Variants in COL20A1 observed in about 807,000 individuals in gnomAD.
COL20A1 encodes the protein collagen alpha-1(XX) chain.
In COL20A1, 164 loss-of-function variants were observed where a neutral mutation model predicts 152.9. That is an observed-to-expected ratio of 1.07 (90% CI 0.94 to 1.22). The LOEUF (loss-of-function observed/expected upper bound fraction) is 1.22, where lower values mean the gene tolerates loss of function less well. Among genes scored for constraint, COL20A1 ranks in the 50% most tolerant of loss-of-function variants. The pLI is 0.00. For synonymous variants in COL20A1, 864 were observed against 756.0 expected (o/e 1.14, Z -2.34); for missense variants, 1,873 against 1,744.8 (o/e 1.07, Z -1.31).
At chr20:63,295,273 CT>C (rs977814826) in intron 2 of COL20A1, 84 bp downstream of exon 2, 17 of 851,822 alleles carry the variant, frequency 2.0e-5, no homozygotes, top group East Asian at 5.4e-5. Flanking sequence ...CCCTCCGCCC[CT>C]GAGCCCCGTC....
intron 1 of COL20A1, among the ~76,000 whole-genome samples, 162 bp downstream of exon 1, chr20:63,293,437 G>A (rs984046349): frequency 1.5e-4 from 23 of 152,154 alleles, no homozygotes; most frequent in Non-Finnish European, 2.9e-4. Context: ...CACAGGGTGT[G>A]GCCAGGAGGG....
intron 9 of COL20A1, 51 bp from the exon 10 acceptor site, chr20:63,309,707 A>T: frequency 4.1e-6 from 6 of 1,470,446 alleles, no homozygotes; most frequent in Non-Finnish European, 5.4e-6. Context: ...GAGCGTGGAC[A>T]CAGCTGCCCG....
rs1555829302 is a variant in COL20A1 at position 63,309,751 on chromosome 20, C to T, written c.1106-7C>T. The T allele has an allele frequency of 1.2e-5, 18 of 1,561,538 alleles. No homozygotes were observed. Among genetic ancestry groups the T allele is most frequent in the Non-Finnish European group, 1.1e-5 (13 of 1,156,416 alleles). ...CCACCTGCCCCCCACTCCCGCTACT[C>T]CAGCAGCAGCGGCTCCAGCCCTGGA... On this transcript the variant is annotated splice_region_variant and splice_polypyrimidine_tract_variant and intron_variant, in intron 9 of 35. Transcript: ENST00000358894.
rs2068054005 is a variant in COL20A1 at position 63,314,116 on chromosome 20, G to A, written c.2403G>A (p.Leu801=). The A allele has an allele frequency of 6.2e-7, 1 of 1,612,570 alleles. No individual in the cohort carries two copies. The highest frequency in any genetic ancestry group is 2.2e-5 in the East Asian group (1 of 44,878). Reference sequence around the variant, plus strand: ...GGAGCCACGTGACACTGCCCGACCTGCAGGCAGCCACGAAGTACAGGGTCC... The same window carrying A: ...GGAGCCACGTGACACTGCCCGACCTACAGGCAGCCACGAAGTACAGGGTCC... ...GARSHVTLPD[L]QAATKYRVLV... Residue 801 remains leucine, a synonymous_variant, in exon 19 of 36, where the codon CTG becomes CTA. Coordinates refer to ENST00000358894, the MANE Select transcript of COL20A1 (RefSeq NM_020882.4).
In COL20A1 at chr20:63,322,096, C is replaced by T. The variant is rs762904751; in HGVS notation, c.3279C>T (p.Gly1093=). Residue 1093 remains glycine, a synonymous_variant, in exon 27 of 36, where the codon GGC becomes GGT. Coordinates refer to ENST00000358894, the MANE Select transcript of COL20A1 (RefSeq NM_020882.4). ...GGAATGGCACCCCAGGAGAGCAGGG[C>T]TTCCCAGGGCCCAGGGTAAGTTTTG... The part of the protein sequence containing the change: ...PGRNGTPGEQ[G]FPGPRGPPGV... 190 of 1,499,862 alleles carry T rather than the reference C, an allele frequency of 1.3e-4. No homozygotes were observed. Among genetic ancestry groups the T allele is most frequent in the Non-Finnish European group, 1.6e-4 (184 of 1,128,956 alleles). The allele number at this position is 1,499,862 out of a possible 1,614,324, so 92.9% of individuals were successfully genotyped here. A position where few individuals can be genotyped will look rare whatever the true frequency, so the allele number is the denominator to read the frequency against.
intron 20 of COL20A1, 22 bp from the exon 21 acceptor site, chr20:63,316,531 C>T: frequency 1.3e-6 from 2 of 1,580,912 alleles, no homozygotes; most frequent in Non-Finnish European, 8.6e-7. Flanking sequence ...CTCGGTGCCC[C>T]TTCCCCCACC....
At chr20:63,316,739 G>T in intron 21 of COL20A1, 48 bp downstream of exon 21, 1 of 1,463,442 alleles carries the variant, frequency 6.8e-7, no homozygotes. Flanking sequence ...GGCTGGGGCC[G>T]CTGAAGATTA....
chr20:63,325,531 T>C (rs1412556698), intron 28 of COL20A1, 37 bp downstream of exon 28: 1 of 1,495,990 alleles, frequency 6.7e-7, no homozygotes, highest in Admixed American at 1.8e-5. Flanking sequence ...CAGGGGTTGG[T>C]GGGGGTGGGG....
chr20:63,302,611 G>A (rs780447802), intron 3 of COL20A1, among the ~76,000 whole-genome samples: 3 of 152,166 alleles, frequency 2.0e-5, no homozygotes, highest in Admixed American at 1.3e-4. Flanking sequence ...GTGAGTCACC[G>A]CGCCTGGTCT....
intron 20 of COL20A1, 47 bp from the exon 21 acceptor site, chr20:63,316,506 C>T (rs1444611866): frequency 6.5e-7 from 1 of 1,544,976 alleles, no homozygotes; most frequent in Non-Finnish European, 8.7e-7. Context: ...CCTCCCCTGC[C>T]ATCTCTGAGG....
chr20:63,303,789 G>A (rs1294646810), intron 3 of COL20A1, among the ~76,000 whole-genome samples: 1 of 152,072 alleles, frequency 6.6e-6, no homozygotes, highest in Non-Finnish European at 1.5e-5. Context: ...GCAGGTGTGG[G>A]TTCCTCCCTC....
chr20:63,325,601 C>T (rs2068234339), intron 28 of COL20A1, 67 bp from the exon 29 acceptor site: 6 of 1,569,770 alleles, frequency 3.8e-6, no homozygotes, highest in East Asian at 2.3e-5. Flanking sequence ...GGTGAGGCCT[C>T]ACAGGCAGGG....
rs1005886656 is a variant in COL20A1, at chr20:63,326,665, G to A, written c.3457-87G>A. ...TCCACCGCCCTTGTCAGGTCAGGGG[G>A]CCCCTGGGACATCTGGGAACCAGGG... On this transcript the variant is annotated intron_variant, in intron 30 of 35. Transcript: ENST00000358894. 5.5e-6 allele frequency: 5 copies of A among 904,102 alleles called. No individual in the cohort carries two copies. The Admixed American group carries it at 1.6e-4, about 28-fold the overall frequency. 56.0% of individuals were successfully genotyped at this position (904,102 alleles called of 1,614,324 possible). A position where few individuals can be genotyped will look rare whatever the true frequency, so the allele number is the denominator to read the frequency against.
In COL20A1 at chr20:63,321,050, G is replaced by A. The variant is rs749814276; in HGVS notation, c.3191G>A (p.Cys1064Tyr). The stretch of plus-strand genomic sequence containing the variant: ...ACCTGCCCCGCCTTCGTGTCTGCCT[G>A]TTCCTGTTCCTCAGAGACCCCTGGG... ...GETCPAFVSA[C>Y]SCSSETPGPP... Residue 1064 changes from cysteine to tyrosine, a missense_variant, in exon 26 of 36, where the codon TGT becomes TAT. By Grantham distance (194) the Cys-to-Tyr change is radical (BLOSUM62 -2). Coordinates refer to ENST00000358894, the MANE Select transcript of COL20A1 (RefSeq NM_020882.4). The A allele has an allele frequency of 2.2e-5, 36 of 1,601,752 alleles. 1 individual carries two copies. Among genetic ancestry groups the A allele is most frequent in the Middle Eastern group, 3.3e-4 (2 of 6,066 alleles).
rs549831506 is a variant in COL20A1, at chr20:63,334,783, C to T, written c.*4067C>T. 20 of 152,344 alleles carry T rather than the reference C, an allele frequency of 1.3e-4. No individual in the cohort carries two copies. Among genetic ancestry groups the T allele is most frequent in the African/African-American group, 4.6e-4 (19 of 41,562 alleles). 9.4% of individuals were successfully genotyped at this position (152,344 alleles called of 1,614,324 possible). A position where few individuals can be genotyped will look rare whatever the true frequency, so the allele number is the denominator to read the frequency against. On this transcript the variant is annotated 3_prime_UTR_variant, in exon 36 of 36. Coordinates refer to ENST00000358894, the MANE Select transcript of COL20A1 (RefSeq NM_020882.4). ...ACAATTTTAAATAGTAGAAAATAAACCCTGAAGCAGTGTGCATTCATTAGT... is the reference window on the plus strand; with the variant it reads ...ACAATTTTAAATAGTAGAAAATAAATCCTGAAGCAGTGTGCATTCATTAGT...
intron 3 of COL20A1, among the ~76,000 whole-genome samples, chr20:63,302,680 CTG>C (rs2067875693): frequency 6.6e-6 from 1 of 152,156 alleles, no homozygotes; most frequent in South Asian, 2.1e-4. Flanking sequence ...AGTCTACACA[CTG>C]TGTTTGGTTC....
At position 63,312,012 on chromosome 20, in the gene COL20A1, T is replaced by G; in HGVS notation, c.1760T>G (p.Val587Gly). Residue 587 changes from valine (V) to glycine (G), a missense_variant, in exon 14 of 36, where the codon GTC (valine) becomes GGC (glycine). Transcript: ENST00000358894. ...GGTGCCCCGAGGCCTGTGCGCCTGG[T>G]CAGGGTCACCTATGTGTCCAGCGAG... ...WEGAPRPVRL[V>G]RVTYVSSEGG... The G allele has an allele frequency of 2.5e-6, 4 of 1,606,152 alleles. No individual in the cohort carries two copies. The highest frequency in any genetic ancestry group is 3.4e-6 in the Non-Finnish European group (4 of 1,177,160).
intron 3 of COL20A1, among the ~76,000 whole-genome samples, chr20:63,302,831 G>A (rs781222612): frequency 7.9e-5 from 12 of 152,320 alleles, no homozygotes; most frequent in Non-Finnish European, 1.3e-4. Context: ...TTGGGGAGCC[G>A]TTTAGCTCGC....
rs1187456355 is a variant in COL20A1, at chr20:63,326,080, C to T, written c.3403-16C>T. On this transcript the variant is annotated splice_polypyrimidine_tract_variant and intron_variant, in intron 29 of 35. Coordinates refer to ENST00000358894, the MANE Select transcript of COL20A1 (RefSeq NM_020882.4). ...GGTACAAACCCCACCCAGCTTGCGC[C>T]TTCCTTTGCCATCAGGGAATGAGAG... is the stretch of plus-strand genomic sequence containing the variant. 1.2e-6 allele frequency: 2 copies of T among 1,612,256 alleles called. No homozygotes were observed. Among genetic ancestry groups the T allele is most frequent in the East Asian group, 2.2e-5 (1 of 44,882 alleles).
Sources: allele counts gnomAD v4.1 joint callset (sites outside exome capture counted in the v4.1 genomes callset), GRCh38; gene constraint gnomAD v4.1.1; transcripts MANE v1.5; gene names NCBI Gene and HGNC (gene_info 2026-07-23, HGNC 2026-07-21).